The following SETD1A variants were observed in gnomAD, a reference collection of about 807,000 sequenced individuals.
The protein encoded by SETD1A is SET domain containing 1A, histone lysine methyltransferase.
Under a neutral mutation model 149.9 loss-of-function variants are expected in SETD1A, and 29 were observed. That is an observed-to-expected ratio of 0.19 (90% CI 0.14 to 0.26). The LOEUF (loss-of-function observed/expected upper bound fraction) is 0.26. Among genes scored for constraint, SETD1A ranks in the 10% least tolerant of loss-of-function variants. The pLI is 1.00. For missense variants in SETD1A, 2,109 were observed against 2,353.1 expected, an observed-to-expected ratio of 0.90 and a Z score of 2.15; for synonymous variants, 1,141 against 968.5, an observed-to-expected ratio of 1.18 and a Z score of -3.31.
At position 30,967,665 on chromosome 16, in the gene SETD1A, G is replaced by A. The variant is rs922269821; in HGVS notation, c.2770+77G>A. The A allele has an allele frequency of 6.1e-6, 8 of 1,302,138 alleles. No individual in the cohort carries two copies. The East Asian group carries it at 1.9e-4, about 31-fold the overall frequency. 80.7% of individuals were successfully genotyped at this position (1,302,138 alleles called of 1,614,324 possible). A position where few individuals can be genotyped will look rare whatever the true frequency, so the allele number is the denominator to read the frequency against. ...GGAGAGCAAGAGGTAGGGATGAAGG[G>A]GTCAGGTCGTCCTGAGGGCACAGCC... On this transcript the variant is annotated intron_variant, in intron 10 of 18. Coordinates refer to ENST00000262519, the MANE Select transcript of SETD1A (RefSeq NM_014712.3).
rs189106288 is a variant in SETD1A, at chr16:30,983,314, C to T, written c.4813-321C>T. Among the ~76,000 whole-genome samples the T allele has an allele frequency of 2.8e-3, 420 of 152,300 alleles. 5 individuals carry two copies. The highest frequency in any genetic ancestry group is 2.4e-3 in the Non-Finnish European group (162 of 68,030). On this transcript the variant is annotated intron_variant, in intron 17 of 18. Transcript: ENST00000262519. The surrounding 1 kb of genome is among the most constrained non-coding windows in gnomAD (Gnocchi z 6.8). The stretch of plus-strand genomic sequence containing the variant: ...AGTCATTTCAGGAGCTGCCCCAACC[C>T]CAGACTTGCCCCAGCAGTCCGGGAC...
Position 30,971,719 on chromosome 16 carries a change from G to T in SETD1A, c.3358G>T (p.Gly1120Cys). ...GGAGGCGTCTCCAGCAAGGCCTGCA[G>T]GTAGGTGCCACAGGGCTGTCGGTTA... ...EQEASPARPA[G>C]PTEESPPSAP... The change falls in exon 13 of 19, where the codon GGC (glycine) becomes TGC (cysteine). Residue 1120 changes from glycine to cysteine, a missense_variant and splice_region_variant. Around this residue, in one of 8 missense-constraint regions of SETD1A, gnomAD observed 832 missense variants for 815.6 expected, o/e 1.02. Transcript: ENST00000262519. 6.4e-7 allele frequency: 1 copy of T among 1,558,494 alleles called. No homozygotes were observed. The highest frequency in any genetic ancestry group is 8.7e-7 in the Non-Finnish European group (1 of 1,149,542).
intron 8 of SETD1A, 134 bp from the exon 9 acceptor site, chr16:30,966,750 C>A (rs969517508): frequency 4.9e-6 from 5 of 1,029,284 alleles, no homozygotes; most frequent in Non-Finnish European, 6.9e-6. Flanking sequence ...CGTGCGGGGG[C>A]TGGGACAGGT....
At chr16:30,981,916 A>C (rs2056383386) in intron 17 of SETD1A, among the ~76,000 whole-genome samples, 1 of 152,114 alleles carries the variant, frequency 6.6e-6, no homozygotes. Flanking sequence ...GCACCACTGC[A>C]CTCCAGCCTG....
chr16:30,979,651 C>T lies in SETD1A; in HGVS notation c.3865C>T (p.Pro1289Ser), dbSNP rs1289469442. ...AGAGACATCGGACGAGGCCGAGCGC[C>T]CTAGGCCCCTGCTCAGCCACATCCT... ...ATETSDEAER[P>S]RPLLSHILLE... The change falls in exon 14 of 19, where the codon CCT becomes TCT. Residue 1289 changes from proline to serine, a missense_variant. Physicochemically the swap from Pro to Ser is moderately conservative, Grantham distance 74. Around this residue, in one of 8 missense-constraint regions of SETD1A, gnomAD observed 832 missense variants for 815.6 expected, o/e 1.02. Coordinates refer to ENST00000262519, the MANE Select transcript of SETD1A (RefSeq NM_014712.3). 1.9e-6 allele frequency: 3 copies of T among 1,609,838 alleles called. No homozygotes were observed. In the Admixed American group the frequency reaches 5.0e-5, roughly 27 times the overall value.
chr16:30,977,095 C>T (rs568718303), intron 13 of SETD1A, among the ~76,000 whole-genome samples: 7 of 152,240 alleles, frequency 4.6e-5, no homozygotes, highest in African/African-American at 1.7e-4. Context: ...CTAAGGCACG[C>T]GCCATCACGC....
At chr16:30,966,778 C>A in intron 8 of SETD1A, 106 bp from the exon 9 acceptor site, 2 of 1,274,530 alleles carry the variant, frequency 1.6e-6, no homozygotes, top group Non-Finnish European at 2.1e-6. Context: ...AGATATGGAG[C>A]AGCAAGTAGA....
chr16:30,983,763 C>T lies in SETD1A; in HGVS notation c.4941C>T (p.His1647=). The change falls in exon 18 of 19, where the codon CAC becomes CAT. Residue 1647 remains histidine (H), a synonymous_variant. Transcript: ENST00000262519. The surrounding 1 kb of genome is among the most constrained non-coding windows in gnomAD (Gnocchi z 6.8). The part of the protein sequence containing the change: ...KCGNLARFIN[H]CCTPNCYAKV... ...GCAACCTGGCCAGATTCATCAACCACTGCTGCACGGTGCGCCAGGGGCCAG... is the reference window on the plus strand; with the variant it reads ...GCAACCTGGCCAGATTCATCAACCATTGCTGCACGGTGCGCCAGGGGCCAG... 2 of 1,614,106 alleles carry T rather than the reference C, an allele frequency of 1.2e-6. No individual in the cohort carries two copies. The highest frequency in any genetic ancestry group is 1.7e-6 in the Non-Finnish European group (2 of 1,179,966).
intron 4 of SETD1A, 79 bp from the exon 5 acceptor site, chr16:30,963,354 C>A: frequency 1.5e-6 from 2 of 1,350,882 alleles, no homozygotes; most frequent in Non-Finnish European, 2.0e-6. Flanking sequence ...AAACTTGAGG[C>A]CTGAGAAAGC....
intron 11 of SETD1A, 23 bp downstream of exon 11, chr16:30,969,485 C>T (rs1361806603): frequency 1.3e-6 from 2 of 1,599,906 alleles, no homozygotes; most frequent in Non-Finnish European, 1.7e-6. Flanking sequence ...GCGCCGGCTC[C>T]TGGCCGAAGC....
intron 13 of SETD1A, among the ~76,000 whole-genome samples, chr16:30,978,332 T>TA (rs2056313331): frequency 6.6e-6 from 1 of 151,700 alleles, no homozygotes; most frequent in Non-Finnish European, 1.5e-5. Flanking sequence ...TTACATGAGT[T>TA]ACTCTACGTA....
At chr16:30,962,388 A>G (rs974099017) in intron 4 of SETD1A, among the ~76,000 whole-genome samples, 6 of 152,034 alleles carry the variant, frequency 3.9e-5, no homozygotes, top group Non-Finnish European at 8.8e-5. Context: ...TCTATATGCT[A>G]TTCTATAACC....
rs984133025 is a variant in SETD1A, at chr16:30,983,486, C to T, written c.4813-149C>T. 5 of 911,318 alleles carry T rather than the reference C, an allele frequency of 5.5e-6. No homozygotes were observed. Among genetic ancestry groups the T allele is most frequent in the South Asian group, 3.4e-5 (2 of 59,086 alleles). 56.5% of individuals were successfully genotyped at this position (911,318 alleles called of 1,614,324 possible). A position where few individuals can be genotyped will look rare whatever the true frequency, so the allele number is the denominator to read the frequency against. ...GAGGGAGGGCTCCTGGAAGCAGAGT[C>T]GAGAGAGTCAGTGCCGGGTTAGCGG... On this transcript the variant is annotated intron_variant, in intron 17 of 18. Coordinates refer to ENST00000262519, the MANE Select transcript of SETD1A (RefSeq NM_014712.3). This position sits in a 1 kb window ranked among gnomAD's most constrained non-coding sequence, Gnocchi z 6.8.
In SETD1A at chr16:30,964,606, C is replaced by G; in HGVS notation, c.870-6C>G. 6.2e-7 allele frequency: 1 copy of G among 1,609,924 alleles called. No individual in the cohort carries two copies. ...AGTCCAGCTAACTCCCCTGCTTCTT[C>G]TCCAGCACCACTTCAACCTCCTTCA... On this transcript the variant is annotated splice_polypyrimidine_tract_variant and splice_region_variant and intron_variant, in intron 6 of 18. Coordinates refer to ENST00000262519, the MANE Select transcript of SETD1A (RefSeq NM_014712.3).
At chr16:30,977,240 G>A (rs913555502) in intron 13 of SETD1A, among the ~76,000 whole-genome samples, 1 of 152,066 alleles carries the variant, frequency 6.6e-6, no homozygotes, top group African/African-American at 2.4e-5. Context: ...CCCCTCGCCC[G>A]GCCAGCTCAC....
chr16:30,969,237 C>A, intron 10 of SETD1A, 68 bp from the exon 11 acceptor site: 2 of 1,467,160 alleles, frequency 1.4e-6, no homozygotes, highest in Non-Finnish European at 1.9e-6. Context: ...ATATGTAAAG[C>A]CCCTTGCACA....
In SETD1A at chr16:30,964,328, A is replaced by G; in HGVS notation, c.869+5A>G. On this transcript the variant is annotated splice_donor_5th_base_variant and intron_variant, in intron 6 of 18. Transcript: ENST00000262519. ...GGACTCTGCCTACTCCAGCAGGTAC[A>G]GAGCAGACCCCGCCTGGGGCCCCGC... 6.2e-7 allele frequency: 1 copy of G among 1,609,994 alleles called. No homozygotes were observed. Among genetic ancestry groups the G allele is most frequent in the Admixed American group, 1.7e-5 (1 of 59,890 alleles).
chr16:30,967,466 C>T (rs893631633), intron 9 of SETD1A, 35 bp from the exon 10 acceptor site: 10 of 1,595,822 alleles, frequency 6.3e-6, no homozygotes, highest in South Asian at 1.1e-5. Context: ...AGTGTTTGAG[C>T]TCTAAACAGG....
chr16:30,979,954 C>T lies in SETD1A; in HGVS notation c.4168C>T (p.Arg1390Trp), dbSNP rs771254324. 31 of 1,532,120 alleles carry T rather than the reference C, an allele frequency of 2.0e-5. No individual in the cohort carries two copies. The highest frequency in any genetic ancestry group is 8.4e-5 in the South Asian group (7 of 83,376). The allele number at this position is 1,532,120 out of a possible 1,614,324, so 94.9% of individuals were successfully genotyped here. Residue 1390 changes from arginine to tryptophan, a missense_variant, in exon 14 of 19, where the codon CGG (arginine) becomes TGG (tryptophan). Transcript: ENST00000262519. ...SSSSDGEGAL[R>W]RRSLRSHARR... ...CAGCAGCGATGGGGAGGGCGCCCTCCGGAGGCGCAGCCTCCGCTCCCACGC... is the reference window on the plus strand; with the variant it reads ...CAGCAGCGATGGGGAGGGCGCCCTCTGGAGGCGCAGCCTCCGCTCCCACGC...
Sources: allele counts gnomAD v4.1 joint callset (sites outside exome capture counted in the v4.1 genomes callset), GRCh38; gene constraint gnomAD v4.1.1; regional missense constraint gnomAD v4.1.1; non-coding constraint Gnocchi (gnomAD v3.1); transcripts MANE v1.5; gene names NCBI Gene and HGNC (gene_info 2026-07-23, HGNC 2026-07-21).